Variants in MIEN1 observed in about 807,000 individuals in gnomAD.
MIEN1 encodes the protein migration and invasion enhancer 1.
In MIEN1, 12 loss-of-function variants were observed where a neutral mutation model predicts 15.5. That is an observed-to-expected ratio of 0.78 (90% confidence interval 0.50 to 1.26). The LOEUF (loss-of-function observed/expected upper bound fraction) is 1.26. MIEN1 is among the 50% of genes most tolerant of loss of function. The pLI is 0.00. For synonymous variants in MIEN1, 63 were observed against 62.8 expected (o/e 1.00, Z -0.02); for missense variants, 160 against 151.7 (o/e 1.05, Z -0.29).
chr17:39,728,797 A>C lies in MIEN1; in HGVS notation c.*725T>G, dbSNP rs1190577137. 4.8e-6 allele frequency: 1 copy of C among 208,904 alleles called. No individual in the cohort carries two copies. Among genetic ancestry groups the C allele is most frequent in the African/African-American group, 2.3e-5 (1 of 43,926 alleles). The allele number at this position is 208,904 out of a possible 1,614,324, so 12.9% of individuals were successfully genotyped here. On this transcript the variant is annotated 3_prime_UTR_variant, in exon 4 of 4. Coordinates refer to ENST00000394231, the MANE Select transcript of MIEN1 (RefSeq NM_032339.5). ...TGAGGAGCCAGACATCCAGTTCTCCAGCTTCAGGGTTGGGGGAGATCGGGA... is the reference window on the plus strand; with the variant it reads ...TGAGGAGCCAGACATCCAGTTCTCCCGCTTCAGGGTTGGGGGAGATCGGGA...
At chr17:39,730,383 G>A (rs985019598) in intron 1 of MIEN1, 24 bp downstream of exon 1, 2 of 1,553,666 alleles carry the variant, frequency 1.3e-6, no homozygotes, top group Non-Finnish European at 1.7e-6. Flanking sequence ...CCAGGGTGCG[G>A]GTCCTCCAGC....
chr17:39,730,499 G>A lies in MIEN1; in HGVS notation c.-4C>T, dbSNP rs201802003. ...TCTGCCCCGGCTCCCCGCTCATCGC[G>A]GCCGGCTCCGCTCGGGCCCCTGCTT... On this transcript the variant is annotated 5_prime_UTR_variant, in exon 1 of 4. Transcript: ENST00000394231. 3.3e-6 allele frequency: 5 copies of A among 1,531,170 alleles called. No individual in the cohort carries two copies. In the African/African-American group the frequency reaches 4.2e-5, roughly 13 times the overall value. The allele number at this position is 1,531,170 out of a possible 1,614,324, so 94.8% of individuals were successfully genotyped here.
chr17:39,729,810 G>C (rs2059924930), intron 2 of MIEN1, 49 bp from the exon 3 acceptor site: 1 of 1,611,806 alleles, frequency 6.2e-7, no homozygotes, highest in African/African-American at 1.3e-5. Context: ...ATAGGCAGAA[G>C]TCAGGAGTTC....
chr17:39,729,650 G>C, intron 3 of MIEN1, 35 bp downstream of exon 3: 1 of 1,614,130 alleles, frequency 6.2e-7, no homozygotes, highest in Non-Finnish European at 8.5e-7. Context: ...GGGGTAGGGT[G>C]ACCAAGAGGT....
Position 39,730,504 on chromosome 17 carries a change from G to A in MIEN1, c.-9C>T. 1 of 1,529,518 alleles carries A rather than the reference G, an allele frequency of 6.5e-7. No individual in the cohort carries two copies. Among genetic ancestry groups the A allele is most frequent in the East Asian group, 2.5e-5 (1 of 39,654 alleles). 94.7% of individuals were successfully genotyped at this position (1,529,518 alleles called of 1,614,324 possible). The stretch of plus-strand genomic sequence containing the variant: ...CCCGGCTCCCCGCTCATCGCGGCCG[G>A]CTCCGCTCGGGCCCCTGCTTCCGGG... On this transcript the variant is annotated 5_prime_UTR_variant, in exon 1 of 4. Coordinates refer to ENST00000394231, the MANE Select transcript of MIEN1 (RefSeq NM_032339.5).
chr17:39,729,668 A>G lies in MIEN1; in HGVS notation c.264+17T>C. The G allele has an allele frequency of 6.2e-7, 1 of 1,614,176 alleles. No homozygotes were observed. The highest frequency in any genetic ancestry group is 8.5e-7 in the Non-Finnish European group (1 of 1,180,012). On this transcript the variant is annotated intron_variant, in intron 3 of 3. Coordinates refer to ENST00000394231, the MANE Select transcript of MIEN1 (RefSeq NM_032339.5). The stretch of plus-strand genomic sequence containing the variant: ...GTAGGGTGACCAAGAGGTCCTCCCA[A>G]CGCTGTAAATACTCACATCTTTCTC...
At chr17:39,729,636 T>C (rs1429118614) in intron 3 of MIEN1, 31 bp from the exon 4 acceptor site, 2 of 1,614,146 alleles carry the variant, frequency 1.2e-6, no homozygotes, top group Non-Finnish European at 8.5e-7. Context: ...GATGATGCAC[T>C]GTTGGGGTAG....
Position 39,730,402 on chromosome 17 carries a change from C to T in MIEN1, c.89+5G>A. ...GGTGCGGGTCCTCCAGCCGGGGCCGCTCACCAGTACTCCACCACGATGCGG... is the reference window on the plus strand; with the variant it reads ...GGTGCGGGTCCTCCAGCCGGGGCCGTTCACCAGTACTCCACCACGATGCGG... On this transcript the variant is annotated splice_donor_5th_base_variant and intron_variant, in intron 1 of 3. Coordinates refer to ENST00000394231, the MANE Select transcript of MIEN1 (RefSeq NM_032339.5). 6.4e-7 allele frequency: 1 copy of T among 1,553,346 alleles called. No individual in the cohort carries two copies. Among genetic ancestry groups the T allele is most frequent in the African/African-American group, 1.4e-5 (1 of 73,396 alleles).
chr17:39,730,324 A>G, intron 1 of MIEN1, 33 bp from the exon 2 acceptor site: 1 of 1,494,990 alleles, frequency 6.7e-7, no homozygotes, highest in Non-Finnish European at 9.2e-7. Context: ...TGGGCTGGGG[A>G]TTCGGGGGTG....
In MIEN1 at chr17:39,729,544, C is replaced by T. The variant is rs759228991; in HGVS notation, c.326G>A (p.Arg109His). Residue 109 changes from arginine (R) to histidine (H), a missense_variant, in exon 4 of 4, where the codon CGT becomes CAT. Coordinates refer to ENST00000394231, the MANE Select transcript of MIEN1 (RefSeq NM_032339.5). ...CAGTCACAGGATGACGCAGGGAGGA[C>T]GGCTGTTGGTGATCTTTTCTAGGGT... ...GETLEKITNS[R>H]PPCVIL is the part of the protein sequence containing the mutation. The T allele has an allele frequency of 1.9e-5, 30 of 1,613,774 alleles. No individual in the cohort carries two copies. The highest frequency in any genetic ancestry group is 1.1e-4 in the East Asian group (5 of 44,880).
chr17:39,729,411 C>T lies in MIEN1; in HGVS notation c.*111G>A. The T allele has an allele frequency of 1.4e-6, 2 of 1,402,108 alleles. No homozygotes were observed. The highest frequency in any genetic ancestry group is 2.6e-5 in the South Asian group (2 of 78,186). The allele number at this position is 1,402,108 out of a possible 1,614,324, so 86.9% of individuals were successfully genotyped here. A position where few individuals can be genotyped will look rare whatever the true frequency, so the allele number is the denominator to read the frequency against. On this transcript the variant is annotated 3_prime_UTR_variant, in exon 4 of 4. Coordinates refer to ENST00000394231, the MANE Select transcript of MIEN1 (RefSeq NM_032339.5). ...AAGGGCAAAGTGGAGGCCAGGGTCT[C>T]TTTGCTAAGGAGCTAAGTAGGGGAA...
In MIEN1 at chr17:39,730,435, T is replaced by C. The variant is rs995250510; in HGVS notation, c.61A>G (p.Ser21Gly). Residue 21 changes from serine to glycine, a missense_variant, in exon 1 of 4, where the codon AGT (serine) becomes GGT (glycine). By Grantham distance (56) the Ser-to-Gly change is moderately conservative. Transcript: ENST00000394231. ...APPPEEVEPG[S>G]GVRIVVEYCE... is the part of the protein sequence containing the mutation. Reference sequence around the variant, plus strand: ...TACTCCACCACGATGCGGACCCCACTGCCCGGCTCGACCTCCTCGGGAGGG... The same window carrying C: ...TACTCCACCACGATGCGGACCCCACCGCCCGGCTCGACCTCCTCGGGAGGG... The C allele has an allele frequency of 1.7e-5, 26 of 1,551,968 alleles. No individual in the cohort carries two copies. The African/African-American group carries it at 1.9e-4, about 11-fold the overall frequency.
chr17:39,730,488 C>T lies in MIEN1; in HGVS notation c.8G>A (p.Gly3Glu). Residue 3 changes from glycine to glutamate, a missense_variant, in exon 1 of 4, where the codon GGG becomes GAG. Physicochemically the swap from Gly to Glu is moderately conservative, Grantham distance 98. Transcript: ENST00000394231. MS[G>E]EPGQTSVAPP... ...CGCTACGGACGTCTGCCCCGGCTCC[C>T]CGCTCATCGCGGCCGGCTCCGCTCG... 1 of 1,534,408 alleles carries T rather than the reference C, an allele frequency of 6.5e-7. No homozygotes were observed. Among genetic ancestry groups the T allele is most frequent in the Non-Finnish European group, 8.7e-7 (1 of 1,144,126 alleles).
Position 39,729,156 on chromosome 17 carries a change from T to G in MIEN1, c.*366A>C. On this transcript the variant is annotated 3_prime_UTR_variant, in exon 4 of 4. Coordinates refer to ENST00000394231, the MANE Select transcript of MIEN1 (RefSeq NM_032339.5). Reference sequence around the variant, plus strand: ...GTATAAAAACACACACTAGTTAGCATTAGTGTTTGTAGCGCCACTTTACTG... The same window carrying G: ...GTATAAAAACACACACTAGTTAGCAGTAGTGTTTGTAGCGCCACTTTACTG... 3.5e-6 allele frequency: 1 copy of G among 286,184 alleles called. No homozygotes were observed. The highest frequency in any genetic ancestry group is 6.7e-6 in the Non-Finnish European group (1 of 148,944). 17.7% of individuals were successfully genotyped at this position (286,184 alleles called of 1,614,324 possible).
At chr17:39,730,347 G>C in intron 1 of MIEN1, 56 bp from the exon 2 acceptor site, 1 of 1,562,802 alleles carries the variant, frequency 6.4e-7, no homozygotes, top group Non-Finnish European at 8.7e-7. Context: ...GCCTCCCGTG[G>C]ACCCACCTCC....
intron 2 of MIEN1, 30 bp from the exon 3 acceptor site, chr17:39,729,791 A>G: frequency 1.9e-6 from 3 of 1,613,906 alleles, no homozygotes; most frequent in Non-Finnish European, 2.5e-6. Flanking sequence ...TAAATGGTAC[A>G]CTGAGAACAT....
Position 39,729,378 on chromosome 17 carries a change from T to C in MIEN1, c.*144A>G. On this transcript the variant is annotated 3_prime_UTR_variant, in exon 4 of 4. Coordinates refer to ENST00000394231, the MANE Select transcript of MIEN1 (RefSeq NM_032339.5). ...GCCACGGAATCTTCTATTCCTTCTT[T>C]GTACCCAAAGGGCAAAGTGGAGGCC... 1 of 1,003,070 alleles carries C rather than the reference T, an allele frequency of 1.0e-6. No homozygotes were observed. Among genetic ancestry groups the C allele is most frequent in the Non-Finnish European group, 1.5e-6 (1 of 670,724 alleles). 62.1% of individuals were successfully genotyped at this position (1,003,070 alleles called of 1,614,324 possible). A position where few individuals can be genotyped will look rare whatever the true frequency, so the allele number is the denominator to read the frequency against.
In MIEN1 at chr17:39,729,557, T is replaced by A. The variant is rs1459719002; in HGVS notation, c.313A>T (p.Ile105Phe). ...ACGCAGGGAGGACGGCTGTTGGTGATCTTTTCTAGGGTTTCTCCATTACTG... is the reference window on the plus strand; with the variant it reads ...ACGCAGGGAGGACGGCTGTTGGTGAACTTTTCTAGGGTTTCTCCATTACTG... ...RASNGETLEK[I>F]TNSRPPCVIL Residue 105 changes from isoleucine (I) to phenylalanine (F), a missense_variant, in exon 4 of 4, where the codon ATC becomes TTC. Coordinates refer to ENST00000394231, the MANE Select transcript of MIEN1 (RefSeq NM_032339.5). 6.2e-7 allele frequency: 1 copy of A among 1,614,092 alleles called. No homozygotes were observed.
Position 39,728,777 on chromosome 17 carries a change from A to G in MIEN1, c.*745T>C, listed in dbSNP as rs1253726849. 3 of 212,644 alleles carry G rather than the reference A, an allele frequency of 1.4e-5. No homozygotes were observed. Among genetic ancestry groups the G allele is most frequent in the Non-Finnish European group, 2.9e-5 (3 of 105,236 alleles). The allele number at this position is 212,644 out of a possible 1,614,324, so 13.2% of individuals were successfully genotyped here. Reference sequence around the variant, plus strand: ...GAATCTTCAGAAAGCTTGGATGAGGAGCCAGACATCCAGTTCTCCAGCTTC... The same window carrying G: ...GAATCTTCAGAAAGCTTGGATGAGGGGCCAGACATCCAGTTCTCCAGCTTC... On this transcript the variant is annotated 3_prime_UTR_variant, in exon 4 of 4. Coordinates refer to ENST00000394231, the MANE Select transcript of MIEN1 (RefSeq NM_032339.5).
Sources: gnomAD v4.1 joint callset for allele counts on GRCh38, gnomAD v4.1.1 for gene constraint, MANE v1.5 for transcripts, NCBI Gene and HGNC (gene_info 2026-07-23, HGNC 2026-07-21) for gene names.